Variants in FYCO1 observed in about 807,000 individuals in gnomAD.
FYCO1 encodes FYVE and coiled-coil domain-containing protein 1.
Under a neutral mutation model 165.1 loss-of-function variants are expected in FYCO1, and 122 were observed. The ratio of observed to expected loss-of-function variants is 0.74; its 90% CI spans 0.64 to 0.86. FYCO1 has a LOEUF of 0.86. Ranked by LOEUF, FYCO1 falls within the 40% of genes least tolerant of loss-of-function variation. The probability of loss-of-function intolerance (pLI) is 0.00; values close to 1 mark genes in which losing one functional copy is unlikely to be tolerated. For missense variants in FYCO1, 1,702 were observed against 1,810.3 expected (o/e 0.94, Z 1.09); for synonymous variants, 648 against 742.5 (o/e 0.87, Z 2.07).
Position 45,966,822 on chromosome 3 carries a change from T to C in FYCO1, c.2512A>G (p.Asn838Asp). Reference protein sequence around the residue: ...QQLKEQNEALNRAHVQELLQC... With the variant: ...QQLKEQNEALDRAHVQELLQC... ...AGCAGCTCCTGGACATGGGCTCTGT[T>C]AAGGGCTTCATTCTGCTCCTTCAGC... Residue 838 changes from asparagine (N) to aspartate (D), a missense_variant, in exon 8 of 18, where the codon AAC (asparagine) becomes GAC (aspartate). Physicochemically the swap from Asn to Asp is conservative, Grantham distance 23 (BLOSUM62 1). Coordinates refer to ENST00000296137, the MANE Select transcript of FYCO1 (RefSeq NM_024513.4). The C allele has an allele frequency of 6.2e-7, 1 of 1,610,916 alleles. No homozygotes were observed. The highest frequency in any genetic ancestry group is 2.2e-5 in the East Asian group (1 of 44,888).
intron 14 of FYCO1, chr3:45,946,181 C>T (rs1704589069): frequency 3.2e-6 from 1 of 307,902 alleles, no homozygotes; most frequent in South Asian, 5.9e-5. Flanking sequence ...TAATTGAGCA[C>T]AGGATTTTAT....
At chr3:45,981,827 A>G (rs1458231289) in intron 2 of FYCO1, 151 bp from the exon 3 acceptor site, 1 of 685,780 alleles carries the variant, frequency 1.5e-6, no homozygotes, top group Non-Finnish European at 2.7e-6. Flanking sequence ...ATGAGATATA[A>G]CTCCAAGTCA....
Position 45,921,679 on chromosome 3 carries a change from CTG to C in FYCO1, c.*84_*85del. The stretch of plus-strand genomic sequence containing the variant: ...GGCTGAGTTGATGATTTTGGAGCAG[CTG>C]ACTTTTTAAAAAAATGCTTTATGTG... On this transcript the variant is annotated 3_prime_UTR_variant, in exon 18 of 18. Coordinates refer to ENST00000296137, the MANE Select transcript of FYCO1 (RefSeq NM_024513.4). 1 of 947,562 alleles carries C rather than the reference CTG, an allele frequency of 1.1e-6. No individual in the cohort carries two copies. Among genetic ancestry groups the C allele is most frequent in the Non-Finnish European group, 1.7e-6 (1 of 578,888 alleles). The allele number at this position is 947,562 out of a possible 1,614,324, so 58.7% of individuals were successfully genotyped here.
chr3:45,982,415 T>C (rs1707104459), intron 2 of FYCO1, among the ~76,000 whole-genome samples: 1 of 152,196 alleles, frequency 6.6e-6, no homozygotes, highest in Non-Finnish European at 1.5e-5. Context: ...CCAAAGATCA[T>C]GGGTGGCAAA....
rs749575406 is a variant in FYCO1 at position 45,984,865 on chromosome 3, C to G, written c.46G>C (p.Asp16His). ...AESQLQRIIR[D>H]LQDAVTELSK... Reference sequence around the variant, plus strand: ...CAGCAACCTACCATACCTTGCAAGTCTCGGATGATTCTCTGGAGCTGGCTC... The same window carrying G: ...CAGCAACCTACCATACCTTGCAAGTGTCGGATGATTCTCTGGAGCTGGCTC... The change falls in exon 2 of 18, where the codon GAC becomes CAC. Residue 16 changes from aspartate (D) to histidine (H), a missense_variant. Coordinates refer to ENST00000296137, the MANE Select transcript of FYCO1 (RefSeq NM_024513.4). The G allele has an allele frequency of 1.2e-6, 2 of 1,614,202 alleles. No homozygotes were observed. The highest frequency in any genetic ancestry group is 1.1e-5 in the South Asian group (1 of 91,088).
At chr3:45,939,024 A>G (rs1704054400) in intron 14 of FYCO1, among the ~76,000 whole-genome samples, 1 of 152,208 alleles carries the variant, frequency 6.6e-6, no homozygotes, top group Admixed American at 6.5e-5. Context: ...CAAAGATACC[A>G]GATACTCACT....
chr3:45,967,752 G>A lies in FYCO1; in HGVS notation c.1582C>T (p.His528Tyr). Reference protein sequence around the residue: ...LETQLAQVSQHVSDLEEQKKQ... With the variant: ...LETQLAQVSQYVSDLEEQKKQ... ...TTCTGCTCCTCCAGGTCACTCACAT[G>A]TTGGCTCACCTGTGCCAGCTGGGTC... The change falls in exon 8 of 18, where the codon CAT becomes TAT. Residue 528 changes from histidine to tyrosine, a missense_variant. Coordinates refer to ENST00000296137, the MANE Select transcript of FYCO1 (RefSeq NM_024513.4). The A allele has an allele frequency of 1.9e-6, 3 of 1,613,436 alleles. No homozygotes were observed. The highest frequency in any genetic ancestry group is 2.5e-6 in the Non-Finnish European group (3 of 1,180,020).
intron 15 of FYCO1, among the ~76,000 whole-genome samples, chr3:45,931,600 G>A (rs960085852): frequency 6.6e-6 from 1 of 152,190 alleles, no homozygotes; most frequent in Non-Finnish European, 1.5e-5. Context: ...CCTGCTCCAC[G>A]GCCCTCATGG....
At chr3:45,925,853 G>A (rs936393935) in intron 16 of FYCO1, among the ~76,000 whole-genome samples, 6 of 152,208 alleles carry the variant, frequency 3.9e-5, no homozygotes, top group Admixed American at 2.0e-4. Context: ...TTTAGCCAAT[G>A]AGAAGGGATC....
intron 14 of FYCO1, among the ~76,000 whole-genome samples, chr3:45,952,919 A>C (rs573339349): frequency 1.3e-5 from 2 of 152,208 alleles, no homozygotes; most frequent in Admixed American, 6.5e-5. Context: ...GGGACCATTG[A>C]GCCATGGGGG....
In FYCO1 at chr3:45,966,569, A is replaced by G; in HGVS notation, c.2765T>C (p.Val922Ala). 6.2e-7 allele frequency: 1 copy of G among 1,613,904 alleles called. No homozygotes were observed. Among genetic ancestry groups the G allele is most frequent in the Non-Finnish European group, 8.5e-7 (1 of 1,179,974 alleles). The change falls in exon 8 of 18, where the codon GTG becomes GCG. Residue 922 changes from valine to alanine, a missense_variant. Physicochemically the swap from Val to Ala is moderately conservative, Grantham distance 64 (BLOSUM62 0). Coordinates refer to ENST00000296137, the MANE Select transcript of FYCO1 (RefSeq NM_024513.4). ...VCALTVEKER[V>A]EEALACAVQE... ...GACAGCACAGGCCAGTGCCTCCTCC[A>G]CTCGCTCCTTTTCCACGGTCAGTGC...
At chr3:45,935,466 G>A (rs1703842753) in intron 15 of FYCO1, among the ~76,000 whole-genome samples, 3 of 152,172 alleles carry the variant, frequency 2.0e-5, no homozygotes, top group Admixed American at 1.3e-4. Context: ...TCTCTCTGCT[G>A]CAGGCACGCT....
chr3:45,960,795 AG>A (rs1254674991), intron 11 of FYCO1, among the ~76,000 whole-genome samples: 2 of 152,184 alleles, frequency 1.3e-5, no homozygotes, highest in African/African-American at 4.8e-5. Context: ...AATTCTATGA[AG>A]GCTTCTTACC....
At chr3:45,939,721 A>T (rs907405180) in intron 14 of FYCO1, among the ~76,000 whole-genome samples, 1 of 152,202 alleles carries the variant, frequency 6.6e-6, no homozygotes, top group African/African-American at 2.4e-5. Flanking sequence ...ACAGGCTCCC[A>T]TCGTCCCTCT....
chr3:45,926,134 A>G (rs1246298733), intron 16 of FYCO1, among the ~76,000 whole-genome samples: 1 of 152,186 alleles, frequency 6.6e-6, no homozygotes, highest in Non-Finnish European at 1.5e-5. Context: ...GAAAATGAAT[A>G]CCAAGATGGC....
chr3:45,943,956 G>C (rs2125817737), intron 14 of FYCO1, among the ~76,000 whole-genome samples: 1 of 152,176 alleles, frequency 6.6e-6, no homozygotes. Flanking sequence ...TACTACTGTA[G>C]AAACTTTGAA....
chr3:45,988,584 C>T (rs1427449514), intron 1 of FYCO1, among the ~76,000 whole-genome samples: 1 of 152,234 alleles, frequency 6.6e-6, no homozygotes, highest in East Asian at 1.9e-4. Flanking sequence ...CTCATAAACC[C>T]ACAGTCCTTG....
intron 14 of FYCO1, among the ~76,000 whole-genome samples, chr3:45,943,738 A>G (rs959232769): frequency 2.0e-5 from 3 of 152,160 alleles, no homozygotes; most frequent in African/African-American, 7.2e-5. Flanking sequence ...CATGAAAACT[A>G]CTGAACATGT....
intron 14 of FYCO1, chr3:45,938,333 T>C: frequency 1.2e-6 from 1 of 816,128 alleles, no homozygotes; most frequent in Non-Finnish European, 1.8e-6. Flanking sequence ...GGCTTTCTTT[T>C]CAATAGGTTT....
Sources: allele counts gnomAD v4.1 joint callset (sites outside exome capture counted in the v4.1 genomes callset), GRCh38; gene constraint gnomAD v4.1.1; transcripts MANE v1.5; gene names NCBI Gene and HGNC (gene_info 2026-07-23, HGNC 2026-07-21).